Variants in CD47 observed in about 807,000 individuals in gnomAD.
CD47 encodes CD47 molecule.
CD47 carries 11 observed loss-of-function variants against 44.6 expected under a neutral mutation model. The observed-to-expected ratio is 0.25, with a 90% CI of 0.16 to 0.41. CD47 has a LOEUF of 0.41. Among genes scored for constraint, CD47 ranks in the 10% least tolerant of loss-of-function variants. The pLI is 1.00. For synonymous variants in CD47, 140 were observed against 136.3 expected, an observed-to-expected ratio of 1.03 and a Z score of -0.19; for missense variants, 306 against 386.7, an observed-to-expected ratio of 0.79 and a Z score of 1.75.
intron 2 of CD47, among the ~76,000 whole-genome samples, chr3:108,072,567 CT>C (rs1222677775): frequency 2.0e-5 from 3 of 151,976 alleles, no homozygotes; most frequent in East Asian, 1.9e-4. Flanking sequence ...GAATGGAAGA[CT>C]TTTTTTTATG....
rs1271698740 is a variant in CD47, at chr3:108,046,358, CTG to C, written c.*928_*929del. 6.6e-6 allele frequency: 1 copy of C among 152,578 alleles called. No individual in the cohort carries two copies. Among genetic ancestry groups the C allele is most frequent in the African/African-American group, 2.4e-5 (1 of 41,436 alleles). 9.5% of individuals were successfully genotyped at this position (152,578 alleles called of 1,614,324 possible). A position where few individuals can be genotyped will look rare whatever the true frequency, so the allele number is the denominator to read the frequency against. ...AGATCAGAAAAGAAGTGAAGAAACA[CTG>C]TAGATTTTTGCCTTCAAATCAGAGG... On this transcript the variant is annotated 3_prime_UTR_variant, in exon 11 of 11. Transcript: ENST00000361309.
At chr3:108,065,081 A>C (rs1462370047) in intron 3 of CD47, among the ~76,000 whole-genome samples, 9 of 152,262 alleles carry the variant, frequency 5.9e-5, no homozygotes. Context: ...ACTTGACAGA[A>C]GACAAGTTAA....
At chr3:108,082,612 A>T (rs2079440003) in intron 1 of CD47, among the ~76,000 whole-genome samples, 2 of 149,926 alleles carry the variant, frequency 1.3e-5, no homozygotes, top group Admixed American at 6.6e-5. Flanking sequence ...GATTATTCTT[A>T]AAAAAAAGAG....
intron 9 of CD47, 26 bp from the exon 10 acceptor site, chr3:108,049,677 G>A (rs779260202): frequency 6.3e-7 from 1 of 1,581,266 alleles, no homozygotes; most frequent in Admixed American, 1.7e-5. Context: ...AGCCAAGCAG[G>A]CAGTTAGTGA....
chr3:108,081,800 C>T (rs2079424770), intron 1 of CD47, among the ~76,000 whole-genome samples: 1 of 151,898 alleles, frequency 6.6e-6, no homozygotes, highest in Non-Finnish European at 1.5e-5. Context: ...TAGGGTGATA[C>T]TATAAAAACT....
chr3:108,081,270 C>A (rs1366632925), intron 1 of CD47, among the ~76,000 whole-genome samples: 1 of 151,954 alleles, frequency 6.6e-6, no homozygotes, highest in African/African-American at 2.4e-5. Flanking sequence ...CTAAAATGTA[C>A]AAGAATGTGT....
chr3:108,058,570 C>T lies in CD47; in HGVS notation c.692-141G>A, dbSNP rs1442852938. Reference sequence around the variant, plus strand: ...TTCATTGTTTGACGGTAGATGTTAACTCAGTGATCTAACCCTTCCACACAA... The same window carrying T: ...TTCATTGTTTGACGGTAGATGTTAATTCAGTGATCTAACCCTTCCACACAA... On this transcript the variant is annotated intron_variant, in intron 5 of 10. Coordinates refer to ENST00000361309, the MANE Select transcript of CD47 (RefSeq NM_001777.4). 6 of 546,578 alleles carry T rather than the reference C, an allele frequency of 1.1e-5. No homozygotes were observed. The African/African-American group carries it at 1.2e-4, about 11-fold the overall frequency. 33.9% of individuals were successfully genotyped at this position (546,578 alleles called of 1,614,324 possible). A position where few individuals can be genotyped will look rare whatever the true frequency, so the allele number is the denominator to read the frequency against.
At chr3:108,058,194 T>C (rs1235706298) in intron 6 of CD47, 143 bp downstream of exon 6, 4 of 506,092 alleles carry the variant, frequency 7.9e-6, no homozygotes, top group Non-Finnish European at 1.4e-5. Flanking sequence ...TACTTTCCAC[T>C]CAATTTTGCC....
intron 6 of CD47, 62 bp from the exon 7 acceptor site, chr3:108,057,631 T>C (rs944367882): frequency 3.7e-5 from 31 of 837,914 alleles, no homozygotes; most frequent in Non-Finnish European, 5.8e-5. Flanking sequence ...TAAAAAACAG[T>C]AATAATCCCA....
In CD47 at chr3:108,045,538, C is replaced by A. The variant is rs567725030; in HGVS notation, c.*1750G>T. On this transcript the variant is annotated 3_prime_UTR_variant, in exon 11 of 11. Transcript: ENST00000361309. ...ATATACATACGTATATATAGATATACGTATATATTTGTGTATACATATTTT... is the reference window on the plus strand; with the variant it reads ...ATATACATACGTATATATAGATATAAGTATATATTTGTGTATACATATTTT... 1 of 151,030 alleles carries A rather than the reference C, an allele frequency of 6.6e-6. No individual in the cohort carries two copies. Among genetic ancestry groups the A allele is most frequent in the African/African-American group, 2.4e-5 (1 of 40,962 alleles). The allele number at this position is 151,030 out of a possible 1,614,324, so 9.4% of individuals were successfully genotyped here. A position where few individuals can be genotyped will look rare whatever the true frequency, so the allele number is the denominator to read the frequency against.
At chr3:108,055,849 G>A (rs1282951284) in intron 7 of CD47, among the ~76,000 whole-genome samples, 2 of 152,172 alleles carry the variant, frequency 1.3e-5, no homozygotes, top group Non-Finnish European at 2.9e-5. Context: ...AGTTAAGGAG[G>A]TGGCAGATAG....
At chr3:108,073,570 G>A (rs1367055043) in intron 2 of CD47, among the ~76,000 whole-genome samples, 1 of 152,208 alleles carries the variant, frequency 6.6e-6, no homozygotes, top group African/African-American at 2.4e-5. Context: ...CGGCAACTTT[G>A]AGAAACCAAA....
Position 108,071,201 on chromosome 3 carries a change from A to T in CD47, c.401-19T>A, listed in dbSNP as rs1480872835. The stretch of plus-strand genomic sequence containing the variant: ...CATGAAACTGGGGAAGAAGAAAACA[A>T]AAGTCACAATTAATATTTACTATAA... On this transcript the variant is annotated intron_variant, in intron 2 of 10. Coordinates refer to ENST00000361309, the MANE Select transcript of CD47 (RefSeq NM_001777.4). 1 of 1,133,888 alleles carries T rather than the reference A, an allele frequency of 8.8e-7. No homozygotes were observed. Among genetic ancestry groups the T allele is most frequent in the Non-Finnish European group, 1.3e-6 (1 of 779,342 alleles). The allele number at this position is 1,133,888 out of a possible 1,614,324, so 70.2% of individuals were successfully genotyped here.
chr3:108,048,399 T>C (rs1007161727), intron 10 of CD47, among the ~76,000 whole-genome samples: 14 of 121,818 alleles, frequency 1.1e-4, no homozygotes, highest in Non-Finnish European at 2.0e-4. Context: ...TTTTTTTTTT[T>C]CTTGAGACGG....
chr3:108,056,618 G>C (rs574134527), intron 7 of CD47, among the ~76,000 whole-genome samples: 3 of 152,210 alleles, frequency 2.0e-5, no homozygotes, highest in Admixed American at 2.0e-4. Context: ...AGGTGGTTAA[G>C]AGTATGTTTT....
chr3:108,085,179 T>C (rs2079495457), intron 1 of CD47, among the ~76,000 whole-genome samples: 2 of 152,162 alleles, frequency 1.3e-5, no homozygotes, highest in Admixed American at 6.5e-5. Flanking sequence ...TGCACTCTCA[T>C]CCCCATGCCT....
Position 108,080,308 on chromosome 3 carries a change from A to G in CD47, c.83T>C (p.Val28Ala). The G allele has an allele frequency of 6.2e-7, 1 of 1,609,336 alleles. No individual in the cohort carries two copies. The highest frequency in any genetic ancestry group is 2.2e-5 in the East Asian group (1 of 44,836). ...AGTGTCATTACAAAACGTGAATTCT[A>G]CAGATTTTGTTTTATTAAATAGTAG... Reference protein sequence around the residue: ...AQLLFNKTKSVEFTFCNDTVV... With the variant: ...AQLLFNKTKSAEFTFCNDTVV... Residue 28 changes from valine (V) to alanine (A), a missense_variant, in exon 2 of 11, where the codon GTA (valine) becomes GCA (alanine). Physicochemically the swap from Val to Ala is moderately conservative, Grantham distance 64. Coordinates refer to ENST00000361309, the MANE Select transcript of CD47 (RefSeq NM_001777.4).
At chr3:108,069,597 T>C (rs745545418) in intron 3 of CD47, among the ~76,000 whole-genome samples, 1 of 150,600 alleles carries the variant, frequency 6.6e-6, no homozygotes, top group Non-Finnish European at 1.5e-5. Flanking sequence ...TCAGAAAAAA[T>C]ATTGTAAAGC....
chr3:108,052,016 A>C (rs935456694), intron 7 of CD47, 46 bp from the exon 8 acceptor site: 1 of 914,192 alleles, frequency 1.1e-6, no homozygotes, highest in Non-Finnish European at 1.7e-6. Context: ...AAATGAAATA[A>C]ACTAAGGCAT....
Sources: allele counts gnomAD v4.1 joint callset (sites outside exome capture counted in the v4.1 genomes callset), GRCh38; gene constraint gnomAD v4.1.1; transcripts MANE v1.5; gene names NCBI Gene and HGNC (gene_info 2026-07-23, HGNC 2026-07-21).